The following KIAA1614 variants were observed in gnomAD, a reference collection of about 807,000 sequenced individuals.
KIAA1614 encodes KIAA1614.
Under a neutral mutation model 88.7 loss-of-function variants are expected in KIAA1614, and 76 were observed. The observed-to-expected ratio is 0.86, with a 90% confidence interval of 0.71 to 1.04. The LOEUF is 1.04. KIAA1614 is among the 50% of genes least tolerant of loss of function. The probability of loss-of-function intolerance (pLI) is 0.00; values close to 1 mark genes in which losing one functional copy is unlikely to be tolerated. For missense variants in KIAA1614, 1,553 were observed against 1,582.5 expected (o/e 0.98, Z 0.32); for synonymous variants, 714 against 675.5 (o/e 1.06, Z -0.88).
At chr1:180,925,633 A>G (rs2102262184) in intron 3 of KIAA1614, among the ~76,000 whole-genome samples, 1 of 152,346 alleles carries the variant, frequency 6.6e-6, no homozygotes, top group East Asian at 1.9e-4. Flanking sequence ...GAGGGAGAGC[A>G]AAGCCTTAGC....
At chr1:180,945,252 GC>G (rs1654562952) in intron 8 of KIAA1614, 50 bp from the exon 9 acceptor site, 1 of 1,546,384 alleles carries the variant, frequency 6.5e-7, no homozygotes, top group African/African-American at 1.4e-5. Flanking sequence ...GAAGAGCTGT[GC>G]CCAGTGCCTG....
rs774132007 is a variant in KIAA1614 at position 180,936,115 on chromosome 1, C to T, written c.2206C>T (p.Pro736Ser). 17 of 1,614,148 alleles carry T rather than the reference C, an allele frequency of 1.1e-5. No homozygotes were observed. The highest frequency in any genetic ancestry group is 1.4e-5 in the Non-Finnish European group (16 of 1,180,012). ...AGGGCTGGGAAGTCACCAGCCTCAC[C>T]CTTTGGATTCCCGGACTCCATGCAG... Reference protein sequence around the residue: ...GPGLGSHQPHPLDSRTPCRTA... With the variant: ...GPGLGSHQPHSLDSRTPCRTA... The change falls in exon 5 of 9, where the codon CCT becomes TCT. Residue 736 changes from proline (P) to serine (S), a missense_variant. Transcript: ENST00000367588.
chr1:180,934,506 C>T (rs749788252), intron 4 of KIAA1614, among the ~76,000 whole-genome samples: 1 of 152,076 alleles, frequency 6.6e-6, no homozygotes, highest in Non-Finnish European at 1.5e-5. Flanking sequence ...GGGAGGATCA[C>T]TTGAGCCCCA....
chr1:180,936,697 C>T (rs1178545158), intron 5 of KIAA1614, 27 bp downstream of exon 5: 4 of 1,425,804 alleles, frequency 2.8e-6, no homozygotes, highest in Non-Finnish European at 3.7e-6. Flanking sequence ...GGTTCCTGCC[C>T]AGCCCAGGCC....
intron 7 of KIAA1614, among the ~76,000 whole-genome samples, chr1:180,943,402 A>G (rs938715952): frequency 2.1e-5 from 3 of 140,648 alleles, no homozygotes; most frequent in African/African-American, 8.0e-5. Flanking sequence ...TTGCAATTGC[A>G]AATTGTGCTG....
At position 180,950,633 on chromosome 1, in the gene KIAA1614, AAC is replaced by A. The variant is rs1170736961; in HGVS notation, c.*5047_*5048del. ...CTGCACAGAGCTGCTCTGTGGCGGA[AAC>A]AGATCCTGGCAGCATCTAACCCCTT... is the stretch of plus-strand genomic sequence containing the variant. On this transcript the variant is annotated 3_prime_UTR_variant, in exon 9 of 9. Transcript: ENST00000367588. The A allele has an allele frequency of 5.0e-6, 3 of 598,124 alleles. No homozygotes were observed. In the African/African-American group the frequency reaches 6.1e-5, roughly 12 times the overall value. The allele number at this position is 598,124 out of a possible 1,614,324, so 37.1% of individuals were successfully genotyped here.
In KIAA1614 at chr1:180,948,138, C is replaced by T. The variant is rs1196095621; in HGVS notation, c.*2550C>T. 1.3e-5 allele frequency: 2 copies of T among 152,260 alleles called. No homozygotes were observed. Among genetic ancestry groups the T allele is most frequent in the East Asian group, 1.9e-4 (1 of 5,176 alleles). The allele number at this position is 152,260 out of a possible 1,614,324, so 9.4% of individuals were successfully genotyped here. On this transcript the variant is annotated 3_prime_UTR_variant, in exon 9 of 9. Transcript: ENST00000367588. ...CCCAGGCACTCCCTGGTCCTGCTGC[C>T]ATCATGGGCGCTGGATGGCACACAG...
At chr1:180,915,825 A>G (rs547673642) in intron 1 of KIAA1614, among the ~76,000 whole-genome samples, 8 of 152,224 alleles carry the variant, frequency 5.3e-5, no homozygotes, top group Admixed American at 3.9e-4. Context: ...TAGGAGCACA[A>G]ATTTTATTGT....
At chr1:180,915,832 T>C (rs1432170539) in intron 1 of KIAA1614, among the ~76,000 whole-genome samples, 1 of 152,130 alleles carries the variant, frequency 6.6e-6, no homozygotes, top group African/African-American at 2.4e-5. Flanking sequence ...ACAAATTTTA[T>C]TGTGAACTGC....
At chr1:180,919,841 G>A (rs1341566143) in intron 3 of KIAA1614, among the ~76,000 whole-genome samples, 9 of 152,128 alleles carry the variant, frequency 5.9e-5, no homozygotes, top group African/African-American at 1.7e-4. Context: ...AACCTGCCAG[G>A]CCCCCAGCAT....
intron 4 of KIAA1614, among the ~76,000 whole-genome samples, chr1:180,933,620 T>C (rs1654249448): frequency 6.6e-6 from 1 of 152,202 alleles, no homozygotes; most frequent in African/African-American, 2.4e-5. Flanking sequence ...TCCATTTGCA[T>C]AGTGGCCTGA....
chr1:180,941,373 T>G, intron 7 of KIAA1614, 88 bp downstream of exon 7: 1 of 1,467,182 alleles, frequency 6.8e-7, no homozygotes, highest in Non-Finnish European at 9.2e-7. Context: ...GAGGAGGTGA[T>G]GAGGATGCCT....
chr1:180,950,225 T>G lies in KIAA1614; in HGVS notation c.*4637T>G, dbSNP rs533861881. ...CATGCGCACAGAGAAGTGCCTGGTA[T>G]GAGCACCTCCTCCCTGTGCCACACA... is the stretch of plus-strand genomic sequence containing the variant. On this transcript the variant is annotated 3_prime_UTR_variant, in exon 9 of 9. Transcript: ENST00000367588. The G allele has an allele frequency of 1.0e-5, 6 of 585,606 alleles. No individual in the cohort carries two copies. In the Admixed American group the frequency reaches 2.0e-4, roughly 20 times the overall value. 36.3% of individuals were successfully genotyped at this position (585,606 alleles called of 1,614,324 possible).
Position 180,935,431 on chromosome 1 carries a change from GGGCAGGGGACATTCCACA to G in KIAA1614, c.1526_1543del (p.Gln509_Arg514del). On this transcript the variant is annotated inframe_deletion, in exon 5 of 9. Transcript: ENST00000367588. This position sits in a 1 kb window ranked among gnomAD's most constrained non-coding sequence, Gnocchi z 6.1. ...CGGGGCTCCCCGGCTCCGGGACGCGGGGCAGGGGACATTCCACAGGCTTGTGGGCAGCCTGGACCGCAG... is the reference window on the plus strand; with the variant it reads ...CGGGGCTCCCCGGCTCCGGGACGCGGGGCTTGTGGGCAGCCTGGACCGCAG... 6.8e-7 allele frequency: 1 copy of G among 1,478,452 alleles called. No individual in the cohort carries two copies. The highest frequency in any genetic ancestry group is 1.4e-5 in the African/African-American group (1 of 71,078). The allele number at this position is 1,478,452 out of a possible 1,614,324, so 91.6% of individuals were successfully genotyped here. A position where few individuals can be genotyped will look rare whatever the true frequency, so the allele number is the denominator to read the frequency against.
chr1:180,942,344 G>A (rs1654487644), intron 7 of KIAA1614, among the ~76,000 whole-genome samples: 1 of 152,202 alleles, frequency 6.6e-6, no homozygotes, highest in Non-Finnish European at 1.5e-5. Flanking sequence ...GCACCCCTCG[G>A]ACACCCCTTC....
At position 180,928,419 on chromosome 1, in the gene KIAA1614, C is replaced by A; in HGVS notation, c.1062-11C>A. ...CTCCCCCACCACCCTGGCCTGTGTG[C>A]CACGCTGCAGGACCGTTGGTCCCAA... On this transcript the variant is annotated splice_polypyrimidine_tract_variant and intron_variant, in intron 3 of 8. Coordinates refer to ENST00000367588, the MANE Select transcript of KIAA1614 (RefSeq NM_020950.2). 1 of 1,591,770 alleles carries A rather than the reference C, an allele frequency of 6.3e-7. No individual in the cohort carries two copies. The highest frequency in any genetic ancestry group is 8.6e-7 in the Non-Finnish European group (1 of 1,166,718).
At chr1:180,933,221 G>T (rs1179292779) in intron 4 of KIAA1614, among the ~76,000 whole-genome samples, 1 of 152,206 alleles carries the variant, frequency 6.6e-6, no homozygotes, top group African/African-American at 2.4e-5. Context: ...AAAGATCCAG[G>T]AAATGAGGCA....
Position 180,917,854 on chromosome 1 carries a change from G to A in KIAA1614, c.1001G>A (p.Arg334Gln), listed in dbSNP as rs201506771. 389 of 1,613,808 alleles carry A rather than the reference G, an allele frequency of 2.4e-4. 1 individual carries two copies. The highest frequency in any genetic ancestry group is 1.3e-3 in the East Asian group (60 of 44,868). The change falls in exon 3 of 9, where the codon CGA (arginine) becomes CAA (glutamine). Residue 334 changes from arginine (R) to glutamine (Q), a missense_variant. By Grantham distance (43) the Arg-to-Gln change is conservative. Transcript: ENST00000367588. ...CTGCTTCTGTTCTGGATCCTAGAGCGACCAGTGGGGGATGTGGACTGGGCC... is the reference window on the plus strand; with the variant it reads ...CTGCTTCTGTTCTGGATCCTAGAGCAACCAGTGGGGGATGTGGACTGGGCC... ...TPSWDTAAPERPVGDVDWASG... is the reference protein window; with the variant it reads ...TPSWDTAAPEQPVGDVDWASG...
At position 180,913,133 on chromosome 1, in the gene KIAA1614, T is replaced by G. The variant is rs1375338204; in HGVS notation, c.-111T>G. The stretch of plus-strand genomic sequence containing the variant: ...CGGCCGCGCCCCGAGGGGCGAGGCC[T>G]GCGGGCCGCACTCCCTCCGGCCCCG... On this transcript the variant is annotated 5_prime_UTR_variant, in exon 1 of 9. Transcript: ENST00000367588. 1.2e-6 allele frequency: 1 copy of G among 846,580 alleles called. No individual in the cohort carries two copies. Among genetic ancestry groups the G allele is most frequent in the Non-Finnish European group, 1.6e-6 (1 of 634,372 alleles). The allele number at this position is 846,580 out of a possible 1,614,324, so 52.4% of individuals were successfully genotyped here. A position where few individuals can be genotyped will look rare whatever the true frequency, so the allele number is the denominator to read the frequency against.
Sources: gnomAD v4.1 joint callset for allele counts (sites outside exome capture counted in the v4.1 genomes callset) on GRCh38, gnomAD v4.1.1 for gene constraint, Gnocchi (gnomAD v3.1) non-coding constraint, MANE v1.5 for transcripts, NCBI Gene and HGNC (gene_info 2026-07-23, HGNC 2026-07-21) for gene names.